Variants in ATP2C2 observed in about 807,000 individuals in gnomAD.
The protein encoded by ATP2C2 is calcium-transporting ATPase type 2C member 2.
A neutral mutation model predicts 110.8 loss-of-function variants in ATP2C2; 171 were observed. The ratio of observed to expected loss-of-function variants is 1.54; its 90% confidence interval spans 1.36 to 1.75. The LOEUF (loss-of-function observed/expected upper bound fraction) is 1.75. Ranked by LOEUF, ATP2C2 falls within the 40% of genes most tolerant of loss-of-function variation. ATP2C2 has a pLI of 0.00. For missense variants in ATP2C2, 1,963 were observed against 1,235.0 expected (o/e 1.59, Z -8.84); for synonymous variants, 804 against 508.4 (o/e 1.58, Z -7.82).
chr16:84,459,142 G>C lies in ATP2C2; in HGVS notation c.2170G>C (p.Gly724Arg), dbSNP rs1440723163. 1.2e-6 allele frequency: 2 copies of C among 1,614,150 alleles called. No homozygotes were observed. Among genetic ancestry groups the C allele is most frequent in the Non-Finnish European group, 1.7e-6 (2 of 1,180,038 alleles). Reference sequence around the variant, plus strand: ...CAGGAATGCAGTGGAGGAAGGCAAGGGTATTTTTTACAACATCAAAAACTT... The same window carrying C: ...CAGGAATGCAGTGGAGGAAGGCAAGCGTATTTTTTACAACATCAAAAACTT... ...AIMNAVEEGK[G>R]IFYNIKNFVR... is the part of the protein sequence containing the mutation. Residue 724 changes from glycine to arginine, a missense_variant, in exon 22 of 27, where the codon GGT becomes CGT. Gly to Arg is a moderately radical substitution (Grantham distance 125). Transcript: ENST00000262429.
intron 2 of ATP2C2, among the ~76,000 whole-genome samples, chr16:84,402,617 C>T (rs1597769989): frequency 6.6e-6 from 1 of 152,092 alleles, no homozygotes; most frequent in African/African-American, 2.4e-5. Context: ...TATGGTGAAC[C>T]ATCCTTGCAC....
intron 1 of ATP2C2, among the ~76,000 whole-genome samples, chr16:84,381,709 A>G (rs1406212027): frequency 1.3e-5 from 2 of 152,238 alleles, no homozygotes; most frequent in Non-Finnish European, 2.9e-5. Context: ...GGGTCAACAC[A>G]TCTTCAATGG....
chr16:84,395,203 C>G (rs1904896716), intron 1 of ATP2C2, among the ~76,000 whole-genome samples: 1 of 152,036 alleles, frequency 6.6e-6, no homozygotes, highest in South Asian at 2.1e-4. Context: ...GGTCCTCTCT[C>G]CTTTGGGCTC....
At chr16:84,380,177 G>A (rs1910492912) in intron 1 of ATP2C2, among the ~76,000 whole-genome samples, 1 of 152,096 alleles carries the variant, frequency 6.6e-6, no homozygotes, top group African/African-American at 2.4e-5. Context: ...TCTATAAATA[G>A]CCAGTCTCCT....
rs1909765009 is a variant in ATP2C2 at position 84,368,603 on chromosome 16, G to T, written c.-13G>T. 3 of 1,546,158 alleles carry T rather than the reference G, an allele frequency of 1.9e-6. No individual in the cohort carries two copies. Among genetic ancestry groups the T allele is most frequent in the African/African-American group, 2.8e-5 (2 of 71,036 alleles). ...GGACCTAGGGACGCAGGCAACGCCT[G>T]CGCCCGCTCACCATGGTCGAGGGAC... On this transcript the variant is annotated 5_prime_UTR_variant, in exon 1 of 27. Coordinates refer to ENST00000262429, the MANE Select transcript of ATP2C2 (RefSeq NM_014861.4).
chr16:84,419,156 C>A (rs2875885), intron 7 of ATP2C2, among the ~76,000 whole-genome samples: 105,236 of 145,866 alleles, frequency 0.72, 38,208 homozygotes, highest in East Asian at 0.87. Flanking sequence ...TTTAGTGAGC[C>A]GAGATTGCAC....
rs59679568 is a variant in ATP2C2, at chr16:84,446,658, C to T, written c.1503+228C>T. Reference sequence around the variant, plus strand: ...TAAAGCAGGGTCCCTGGAGTAGCAGCGGTTGTTACCACGCGAGACTTTATT... The same window carrying T: ...TAAAGCAGGGTCCCTGGAGTAGCAGTGGTTGTTACCACGCGAGACTTTATT... On this transcript the variant is annotated intron_variant, in intron 16 of 26. Coordinates refer to ENST00000262429, the MANE Select transcript of ATP2C2 (RefSeq NM_014861.4). 8.9e-3 allele frequency among the ~76,000 whole-genome samples: 1,351 copies of T among 152,274 alleles called. 18 individuals carry two copies. Among genetic ancestry groups the T allele is most frequent in the African/African-American group, 0.031 (1,278 of 41,550 alleles).
chr16:84,411,842 C>T (rs924723278), intron 6 of ATP2C2, among the ~76,000 whole-genome samples: 3 of 152,308 alleles, frequency 2.0e-5, no homozygotes, highest in African/African-American at 4.8e-5. Context: ...AGAACATCTG[C>T]GGGGGCCCTT....
At position 84,405,038 on chromosome 16, in the gene ATP2C2, G is replaced by T. The variant is rs752044591; in HGVS notation, c.211-90G>T. On this transcript the variant is annotated intron_variant, in intron 2 of 26. Transcript: ENST00000262429. ...CCTGTGTCCCTGGCCCATCATGGAA[G>T]CCGCTGCCTTTCAGAGTGGGAGTCT... 7 of 1,087,660 alleles carry T rather than the reference G, an allele frequency of 6.4e-6. No individual in the cohort carries two copies. In the East Asian group the frequency reaches 1.6e-4, roughly 26 times the overall value. The allele number at this position is 1,087,660 out of a possible 1,614,324, so 67.4% of individuals were successfully genotyped here.
In ATP2C2 at chr16:84,380,237, C is replaced by A. The variant is rs79454420; in HGVS notation, c.99+11523C>A. On this transcript the variant is annotated intron_variant, in intron 1 of 26. Transcript: ENST00000262429. ...CTTCTCCTCCTTCTACCCCCTCCCCCAGATATCAGCATATTGAAATTTGAG... is the reference window on the plus strand; with the variant it reads ...CTTCTCCTCCTTCTACCCCCTCCCCAAGATATCAGCATATTGAAATTTGAG... 1.7e-3 allele frequency among the ~76,000 whole-genome samples: 257 copies of A among 152,258 alleles called. 3 individuals are homozygous for A. Among genetic ancestry groups the A allele is most frequent in the Middle Eastern group, 0.01 (3 of 294 alleles).
intron 11 of ATP2C2, among the ~76,000 whole-genome samples, chr16:84,428,017 C>T (rs1489982934): frequency 6.6e-6 from 1 of 152,186 alleles, no homozygotes; most frequent in Admixed American, 6.5e-5. Context: ...AGAGGGTCCT[C>T]GGAGCCTTTC....
intron 1 of ATP2C2, among the ~76,000 whole-genome samples, chr16:84,387,124 G>A (rs920813392): frequency 1.5e-5 from 2 of 137,274 alleles, no homozygotes; most frequent in Admixed American, 7.1e-5. Flanking sequence ...CTGAGAACCT[G>A]AGACTGCGAT....
At chr16:84,371,652 G>C (rs566914599) in intron 1 of ATP2C2, among the ~76,000 whole-genome samples, 1 of 152,332 alleles carries the variant, frequency 6.6e-6, no homozygotes, top group African/African-American at 2.4e-5. Flanking sequence ...CCAACTCCGG[G>C]GGAAGCTGTC....
intron 23 of ATP2C2, 124 bp downstream of exon 23, chr16:84,459,510 T>G (rs768387963): frequency 6.4e-7 from 1 of 1,568,408 alleles, no homozygotes; most frequent in South Asian, 1.1e-5. Context: ...CATCAGGAGT[T>G]CCCAGAAAAC....
intron 11 of ATP2C2, among the ~76,000 whole-genome samples, chr16:84,430,532 T>TG (rs1908178754): frequency 6.7e-6 from 1 of 148,276 alleles, no homozygotes; most frequent in Admixed American, 6.9e-5. Context: ...TCCCAGCTAC[T>TG]GGGGGGCAGA....
At chr16:84,419,998 C>G (rs558844419) in intron 7 of ATP2C2, among the ~76,000 whole-genome samples, 1 of 152,090 alleles carries the variant, frequency 6.6e-6, no homozygotes, top group Non-Finnish European at 1.5e-5. Context: ...GCCCAAGCTA[C>G]TTGTCTCATG....
chr16:84,408,387 C>A lies in ATP2C2; in HGVS notation c.328-18C>A, dbSNP rs1480729973. On this transcript the variant is annotated intron_variant, in intron 3 of 26. Coordinates refer to ENST00000262429, the MANE Select transcript of ATP2C2 (RefSeq NM_014861.4). The stretch of plus-strand genomic sequence containing the variant: ...CTGAGACTAAAGAACGTGCCCCACC[C>A]TGTTATTTCCTCTTCAGTTTAAGAA... The A allele has an allele frequency of 6.2e-7, 1 of 1,610,820 alleles. No homozygotes were observed. Among genetic ancestry groups the A allele is most frequent in the Non-Finnish European group, 8.5e-7 (1 of 1,177,176 alleles).
At chr16:84,447,240 C>T (rs1909835087) in intron 16 of ATP2C2, among the ~76,000 whole-genome samples, 1 of 152,196 alleles carries the variant, frequency 6.6e-6, no homozygotes, top group South Asian at 2.1e-4. Context: ...CAGCTCATGC[C>T]AGGCCCTTCC....
intron 15 of ATP2C2, 110 bp downstream of exon 15, chr16:84,442,709 C>A: frequency 9.1e-7 from 1 of 1,100,524 alleles, no homozygotes; most frequent in Non-Finnish European, 1.4e-6. Context: ...GTTAGGTAAT[C>A]ATGGAAGAAA....
Sources: allele counts gnomAD v4.1 joint callset (sites outside exome capture counted in the v4.1 genomes callset), GRCh38; gene constraint gnomAD v4.1.1; transcripts MANE v1.5; gene names NCBI Gene and HGNC (gene_info 2026-07-23, HGNC 2026-07-21).